The following ROBO1 variants were observed in gnomAD, a reference collection of about 807,000 sequenced individuals.
The protein encoded by ROBO1 is roundabout homolog 1.
ROBO1 carries 149 observed loss-of-function variants against 195.9 expected under a neutral mutation model. The observed-to-expected ratio is 0.76, with a 90% CI of 0.67 to 0.87. The LOEUF (loss-of-function observed/expected upper bound fraction) is 0.87. Ranked by LOEUF, ROBO1 falls within the 40% of genes least tolerant of loss-of-function variation. ROBO1 has a pLI of 0.00. For synonymous variants in ROBO1, 816 were observed against 733.2 expected, an observed-to-expected ratio of 1.11 and a Z score of -1.82; for missense variants, 1,933 against 2,068.3, an observed-to-expected ratio of 0.93 and a Z score of 1.27.
chr3:79,245,141 A>G (rs2082600604), intron 2 of ROBO1, among the ~76,000 whole-genome samples: 1 of 152,104 alleles, frequency 6.6e-6, no homozygotes, highest in Non-Finnish European at 1.5e-5. Flanking sequence ...TCTATTTAAC[A>G]TTGCTTCTAA....
chr3:79,510,759 T>C (rs1940661735), intron 2 of ROBO1, among the ~76,000 whole-genome samples: 1 of 152,178 alleles, frequency 6.6e-6, no homozygotes, highest in African/African-American at 2.4e-5. Flanking sequence ...ATACAAGTTA[T>C]TCTTGGCTCA....
intron 2 of ROBO1, among the ~76,000 whole-genome samples, chr3:79,375,881 G>C (rs1345326977): frequency 1.3e-5 from 2 of 152,166 alleles, no homozygotes; most frequent in African/African-American, 4.8e-5. Flanking sequence ...TTAAAGTCTA[G>C]TTTTATCATT....
At chr3:79,051,812 C>T (rs1374188734) in intron 3 of ROBO1, among the ~76,000 whole-genome samples, 2 of 152,078 alleles carry the variant, frequency 1.3e-5, no homozygotes, top group Non-Finnish European at 2.9e-5. Flanking sequence ...AATCTCTGAA[C>T]ATAAATTGTG....
chr3:78,607,397 GA>G, intron 28 of ROBO1: 1 of 204,998 alleles, frequency 4.9e-6, no homozygotes, highest in East Asian at 1.2e-4. Context: ...GTTTTTTGTA[GA>G]GATGGGGTTT....
intron 2 of ROBO1, among the ~76,000 whole-genome samples, chr3:79,190,026 T>C (rs2081509678): frequency 1.3e-5 from 2 of 151,760 alleles, no homozygotes; most frequent in Non-Finnish European, 3.0e-5. Flanking sequence ...CAGAATTTTA[T>C]ACATTCATTG....
At chr3:78,851,737 AAAT>A (rs1483022661) in intron 4 of ROBO1, among the ~76,000 whole-genome samples, 3 of 152,350 alleles carry the variant, frequency 2.0e-5, no homozygotes, top group Middle Eastern at 3.4e-3. Flanking sequence ...TATAAAGTAC[AAAT>A]AATACAATGA....
intron 2 of ROBO1, among the ~76,000 whole-genome samples, chr3:79,565,281 A>G (rs1943054722): frequency 6.6e-6 from 1 of 151,882 alleles, no homozygotes; most frequent in African/African-American, 2.4e-5. Context: ...ACATTTGGCT[A>G]TTCCTCTTTT....
chr3:78,826,201 T>G (rs2031583042), intron 4 of ROBO1, among the ~76,000 whole-genome samples: 1 of 152,150 alleles, frequency 6.6e-6, no homozygotes, highest in Non-Finnish European at 1.5e-5. Context: ...GACTAGCTAG[T>G]TTGTAAGCAT....
rs556644470 is a variant in ROBO1, at chr3:79,442,734, G to C, written c.88+147090C>G. Among the ~76,000 whole-genome samples the C allele has an allele frequency of 3.3e-5, 5 of 152,222 alleles. No homozygotes were observed. The East Asian group carries it at 9.7e-4, about 29-fold the overall frequency. On this transcript the variant is annotated intron_variant, in intron 2 of 30. Transcript: ENST00000464233. ...TGGAACCAACTTTTGATACAAATCA[G>C]CTTCAAAACTTTCACTAACACCAGG...
intron 2 of ROBO1, among the ~76,000 whole-genome samples, chr3:79,256,382 C>T (rs929082011): frequency 3.3e-5 from 5 of 152,086 alleles, no homozygotes; most frequent in Non-Finnish European, 5.9e-5. Context: ...ATGGAAACAG[C>T]CTGACCATGT....
intron 2 of ROBO1, among the ~76,000 whole-genome samples, chr3:79,471,058 A>G (rs1938245489): frequency 6.6e-6 from 1 of 152,142 alleles, no homozygotes; most frequent in South Asian, 2.1e-4. Flanking sequence ...TTTGGGAAAG[A>G]GCAGTCTCTT....
intron 1 of ROBO1, among the ~76,000 whole-genome samples, chr3:79,617,371 G>C (rs979054699): frequency 6.6e-6 from 1 of 152,054 alleles, no homozygotes; most frequent in Non-Finnish European, 1.5e-5. Context: ...CCACATTCCA[G>C]GACATGAAAA....
At chr3:79,055,519 A>T (rs911652179) in intron 3 of ROBO1, among the ~76,000 whole-genome samples, 1 of 152,102 alleles carries the variant, frequency 6.6e-6, no homozygotes, top group Non-Finnish European at 1.5e-5. Flanking sequence ...GAGCACATTT[A>T]TCTTGACTTG....
intron 2 of ROBO1, among the ~76,000 whole-genome samples, chr3:79,455,918 A>G (rs539872693): frequency 2.0e-4 from 30 of 152,238 alleles, no homozygotes; most frequent in African/African-American, 6.0e-4. Context: ...TTCCATCTGT[A>G]TAACAGAAAT....
Position 79,567,225 on chromosome 3 carries a change from G to A in ROBO1, c.88+22599C>T, listed in dbSNP as rs2107732494. On this transcript the variant is annotated intron_variant, in intron 2 of 30. Coordinates refer to ENST00000464233, the MANE Select transcript of ROBO1 (RefSeq NM_002941.4). ...GATGAGAACACATGGACACATAGAG[G>A]GAAACAACCCACACTGGTGTCTATT... 2.0e-5 allele frequency among the ~76,000 whole-genome samples: 3 copies of A among 152,176 alleles called. 1 individual carries two copies. In the Middle Eastern group the frequency reaches 0.01, roughly 518 times the overall value.
At chr3:78,795,070 A>C (rs2084142830) in intron 4 of ROBO1, among the ~76,000 whole-genome samples, 1 of 152,194 alleles carries the variant, frequency 6.6e-6, no homozygotes, top group African/African-American at 2.4e-5. Context: ...CAAGTTATTG[A>C]TATATCACTG....
chr3:79,010,245 G>A (rs1193972696), intron 3 of ROBO1, among the ~76,000 whole-genome samples: 1 of 152,088 alleles, frequency 6.6e-6, no homozygotes, highest in Non-Finnish European at 1.5e-5. Context: ...ATAGTATAGT[G>A]TGTTTGTAGA....
intron 5 of ROBO1, among the ~76,000 whole-genome samples, chr3:78,746,101 AAAAC>A (rs1448499729): frequency 2.3e-4 from 35 of 152,322 alleles, no homozygotes; most frequent in African/African-American, 8.2e-4. Flanking sequence ...CTTCCAAGAC[AAAAC>A]AAACAAAGAA....
chr3:79,437,581 A>G (rs1299151174), intron 2 of ROBO1, among the ~76,000 whole-genome samples: 1 of 152,090 alleles, frequency 6.6e-6, no homozygotes, highest in Non-Finnish European at 1.5e-5. Context: ...ACATATTAAT[A>G]CAATGAAATA....
Sources: allele counts gnomAD v4.1 joint callset (sites outside exome capture counted in the v4.1 genomes callset), GRCh38; gene constraint gnomAD v4.1.1; transcripts MANE v1.5; gene names NCBI Gene and HGNC (gene_info 2026-07-23, HGNC 2026-07-21).